Variants in ROBO1 observed in about 807,000 individuals in gnomAD.
ROBO1 encodes roundabout homolog 1.
ROBO1 carries 149 observed loss-of-function variants against 195.9 expected under a neutral mutation model. That is an observed-to-expected ratio of 0.76 (90% confidence interval 0.67 to 0.87). The LOEUF (loss-of-function observed/expected upper bound fraction) is 0.87. ROBO1 is among the 40% of genes least tolerant of loss of function. ROBO1 has a pLI of 0.00. For synonymous variants in ROBO1, 816 were observed against 733.2 expected (o/e 1.11, Z -1.82); for missense variants, 1,933 against 2,068.3 (o/e 0.93, Z 1.27).
At chr3:78,868,082 C>T (rs2035292638) in intron 4 of ROBO1, among the ~76,000 whole-genome samples, 1 of 152,132 alleles carries the variant, frequency 6.6e-6, no homozygotes, top group Non-Finnish European at 1.5e-5. Context: ...ACATTTCTTA[C>T]ACCCTTACTC....
chr3:79,113,548 A>T (rs1035042145), intron 3 of ROBO1, among the ~76,000 whole-genome samples: 1 of 152,080 alleles, frequency 6.6e-6, no homozygotes, highest in African/African-American at 2.4e-5. Flanking sequence ...TGGGTGGATC[A>T]CCTGAGGTCA....
chr3:78,822,785 T>C (rs1397893697), intron 4 of ROBO1, among the ~76,000 whole-genome samples: 1 of 152,192 alleles, frequency 6.6e-6, no homozygotes, highest in Non-Finnish European at 1.5e-5. Context: ...AGCATGCAAA[T>C]ATTTTCCAAT....
chr3:78,603,219 T>C (rs1020407189), intron 29 of ROBO1, among the ~76,000 whole-genome samples: 1 of 152,210 alleles, frequency 6.6e-6, no homozygotes, highest in Non-Finnish European at 1.5e-5. Flanking sequence ...AAGAGCTTCA[T>C]CTTTGACCAC....
At chr3:79,699,851 T>C (rs1446915879) in intron 1 of ROBO1, among the ~76,000 whole-genome samples, 1 of 151,648 alleles carries the variant, frequency 6.6e-6, no homozygotes, top group Admixed American at 6.6e-5. Context: ...TTAGTTGTTA[T>C]TTTAGAGTCA....
At chr3:79,289,509 C>G (rs914720917) in intron 2 of ROBO1, among the ~76,000 whole-genome samples, 5 of 151,922 alleles carry the variant, frequency 3.3e-5, no homozygotes, top group African/African-American at 1.2e-4. Context: ...AAATGTTTAC[C>G]ACTTTTACTG....
chr3:79,251,104 A>G (rs1338871764), intron 2 of ROBO1, among the ~76,000 whole-genome samples: 6 of 152,222 alleles, frequency 3.9e-5, no homozygotes, highest in Non-Finnish European at 7.3e-5. Context: ...GTTCATATCA[A>G]TATGAATGTC....
intron 2 of ROBO1, among the ~76,000 whole-genome samples, chr3:79,525,649 A>C (rs1309898552): frequency 6.9e-6 from 1 of 145,378 alleles, no homozygotes; most frequent in African/African-American, 2.6e-5. Context: ...TCTGTCGCCC[A>C]GGCTGGAGTG....
rs1704213613 is a variant in ROBO1, at chr3:78,617,832, AGGTCCCCAACACTGGAG to A, written c.4068_4084del (p.Ser1357GlyfsTer29). ...CATGGACCCCGTGACAGAGCTCTCCAGGTCCCCAACACTGGAGGCAGGTGTCTGCTCAAGCCCACGTA... is the reference window on the plus strand; with the variant it reads ...CATGGACCCCGTGACAGAGCTCTCCAGCAGGTGTCTGCTCAAGCCCACGTA... On this transcript the variant is annotated frameshift_variant, in exon 27 of 31. Coordinates refer to ENST00000464233, the MANE Select transcript of ROBO1 (RefSeq NM_002941.4). LOFTEE classifies it high-confidence loss of function. 6.2e-7 allele frequency: 1 copy of A among 1,613,834 alleles called. No individual in the cohort carries two copies. Among genetic ancestry groups the A allele is most frequent in the Non-Finnish European group, 8.5e-7 (1 of 1,179,882 alleles).
chr3:79,532,836 C>T (rs1427411024), intron 2 of ROBO1, among the ~76,000 whole-genome samples: 1 of 152,162 alleles, frequency 6.6e-6, no homozygotes, highest in African/African-American at 2.4e-5. Context: ...CTAGTTTTCC[C>T]TGACTCCAGA....
At chr3:78,881,633 C>T (rs2036187223) in intron 4 of ROBO1, among the ~76,000 whole-genome samples, 2 of 152,134 alleles carry the variant, frequency 1.3e-5, no homozygotes, top group African/African-American at 4.8e-5. Flanking sequence ...ATATTCTTCT[C>T]TTACTTCCTA....
At chr3:79,007,558 C>A (rs1342596673) in intron 3 of ROBO1, among the ~76,000 whole-genome samples, 1 of 152,184 alleles carries the variant, frequency 6.6e-6, no homozygotes, top group African/African-American at 2.4e-5. Flanking sequence ...ATGTTTTAAT[C>A]TCTAAGAATT....
chr3:79,650,083 A>T, intron 1 of ROBO1, among the ~76,000 whole-genome samples: 1 of 152,054 alleles, frequency 6.6e-6, no homozygotes, highest in African/African-American at 2.4e-5. Flanking sequence ...GGAAGAAAAT[A>T]ATTAAGATGA....
intron 2 of ROBO1, among the ~76,000 whole-genome samples, chr3:79,514,709 G>A (rs1013830993): frequency 4.9e-5 from 7 of 143,558 alleles, no homozygotes; most frequent in Admixed American, 2.0e-4. Flanking sequence ...CTGTGTGTGA[G>A]TGTTTATGAA....
At chr3:79,030,968 C>T (rs1457136932) in intron 3 of ROBO1, among the ~76,000 whole-genome samples, 6 of 152,158 alleles carry the variant, frequency 3.9e-5, no homozygotes, top group African/African-American at 9.7e-5. Flanking sequence ...GTGATCCACC[C>T]GCCTCTGCCT....
chr3:79,639,472 TAA>T (rs1945592614), intron 1 of ROBO1, among the ~76,000 whole-genome samples: 1 of 152,102 alleles, frequency 6.6e-6, no homozygotes, highest in Non-Finnish European at 1.5e-5. Context: ...AATTTTATAC[TAA>T]ATACAACCAG....
chr3:79,479,069 T>G (rs1938692601), intron 2 of ROBO1, among the ~76,000 whole-genome samples: 2 of 152,222 alleles, frequency 1.3e-5, no homozygotes, highest in South Asian at 4.1e-4. Flanking sequence ...ATCTGTATTA[T>G]TCCCCTTTTT....
chr3:78,865,409 T>C (rs1225590112), intron 4 of ROBO1, among the ~76,000 whole-genome samples: 1 of 151,778 alleles, frequency 6.6e-6, no homozygotes, highest in Non-Finnish European at 1.5e-5. Flanking sequence ...TGGGGTTACA[T>C]AAATCTGTTG....
At chr3:79,389,652 A>G (rs2036877248) in intron 2 of ROBO1, among the ~76,000 whole-genome samples, 1 of 152,164 alleles carries the variant, frequency 6.6e-6, no homozygotes, top group Non-Finnish European at 1.5e-5. Context: ...GTGAGCTCTG[A>G]ATATCTAAGT....
chr3:79,563,596 A>C (rs1942995192), intron 2 of ROBO1, among the ~76,000 whole-genome samples: 1 of 152,112 alleles, frequency 6.6e-6, no homozygotes, highest in South Asian at 2.1e-4. Flanking sequence ...AAGGCATCCA[A>C]TAAAAAGAAA....
Sources: allele counts gnomAD v4.1 joint callset (sites outside exome capture counted in the v4.1 genomes callset), GRCh38; gene constraint gnomAD v4.1.1; transcripts MANE v1.5; gene names NCBI Gene and HGNC (gene_info 2026-07-23, HGNC 2026-07-21).